Variants in PRKCE observed in about 807,000 individuals in gnomAD.
PRKCE encodes protein kinase C epsilon.
PRKCE carries 16 observed loss-of-function variants against 85.4 expected under a neutral mutation model. The observed-to-expected ratio is 0.19, with a 90% CI of 0.13 to 0.28. The LOEUF (loss-of-function observed/expected upper bound fraction) is 0.28. Among genes scored for constraint, PRKCE ranks in the 10% least tolerant of loss-of-function variants. The pLI, the probability that PRKCE is intolerant of heterozygous loss-of-function variation, is 1.00. For missense variants in PRKCE, 573 were observed against 975.2 expected (o/e 0.59, Z 5.49); for synonymous variants, 388 against 371.5 (o/e 1.04, Z -0.51).
At chr2:45,804,956 T>G (rs1267109719) in intron 1 of PRKCE, among the ~76,000 whole-genome samples, 1 of 151,790 alleles carries the variant, frequency 6.6e-6, no homozygotes, top group Non-Finnish European at 1.5e-5. Flanking sequence ...TTTTTTTTTT[T>G]TTTTTTGCAT....
Position 45,661,521 on chromosome 2 carries a change from TTGTTTTTTG to T in PRKCE, c.348+9075_348+9083del, listed in dbSNP as rs1297470015. 4.8e-3 allele frequency among the ~76,000 whole-genome samples: 525 copies of T among 108,598 alleles called. 12 individuals are homozygous for T. The highest frequency in any genetic ancestry group is 0.017 in the African/African-American group (507 of 29,566). 71.2% of individuals were successfully genotyped at this position (108,598 alleles called of 152,430 possible). A position where few individuals can be genotyped will look rare whatever the true frequency, so the allele number is the denominator to read the frequency against. On this transcript the variant is annotated intron_variant, in intron 1 of 14. Transcript: ENST00000306156. The stretch of plus-strand genomic sequence containing the variant: ...AGTTTTTTTTGTTTTGTTTTGTTTT[TTGTTTTTTG>T]TTTTTTTTTTTTTTTTTAGAAGGAG...
intron 10 of PRKCE, among the ~76,000 whole-genome samples, chr2:46,021,284 C>T (rs143409694): frequency 9.6e-4 from 146 of 152,236 alleles, no homozygotes; most frequent in Admixed American, 9.3e-3. Flanking sequence ...AAGGAGTTTG[C>T]ACTTATTCTG....
chr2:45,934,733 A>G (rs549186332), intron 2 of PRKCE, among the ~76,000 whole-genome samples: 132 of 152,230 alleles, frequency 8.7e-4, no homozygotes, highest in African/African-American at 3.0e-3. Context: ...CTTCACAAGT[A>G]TCTTTAATTT....
At chr2:45,926,703 A>T (rs1013772261) in intron 2 of PRKCE, among the ~76,000 whole-genome samples, 2 of 152,232 alleles carry the variant, frequency 1.3e-5, no homozygotes, top group Non-Finnish European at 2.9e-5. Flanking sequence ...TGTGACATGG[A>T]CAGCCGTGGC....
At chr2:45,783,914 C>T (rs1471383018) in intron 1 of PRKCE, among the ~76,000 whole-genome samples, 1 of 152,254 alleles carries the variant, frequency 6.6e-6, no homozygotes, top group African/African-American at 2.4e-5. Flanking sequence ...GAAACTGCTG[C>T]AGCCTCCATT....
intron 14 of PRKCE, among the ~76,000 whole-genome samples, chr2:46,168,537 T>C (rs1006022981): frequency 2.7e-4 from 41 of 152,196 alleles, no homozygotes; most frequent in African/African-American, 8.7e-4. Context: ...ACATGTCCTT[T>C]GAGCCCTCTG....
At chr2:45,746,954 A>G (rs764247782) in intron 1 of PRKCE, among the ~76,000 whole-genome samples, 10 of 152,022 alleles carry the variant, frequency 6.6e-5, no homozygotes, top group Non-Finnish European at 1.0e-4. Context: ...CTACCTTTCA[A>G]GCCTCAGTCC....
At chr2:46,027,182 AG>A (rs1707178660) in intron 10 of PRKCE, among the ~76,000 whole-genome samples, 2 of 152,110 alleles carry the variant, frequency 1.3e-5, no homozygotes. Context: ...AATAAATAAA[AG>A]AATTAGCCAG....
rs1431715022 is a variant in PRKCE, at chr2:45,824,542, C to T, written c.349-18458C>T. Among the ~76,000 whole-genome samples the T allele has an allele frequency of 2.0e-5, 3 of 152,160 alleles. No homozygotes were observed. The East Asian group carries it at 5.8e-4, about 29-fold the overall frequency. ...TAGAATTAGCCTTTGGATAACAGTC[C>T]GGTTGGGCTACTTAAGTTGACCATT... On this transcript the variant is annotated intron_variant, in intron 1 of 14. Coordinates refer to ENST00000306156, the MANE Select transcript of PRKCE (RefSeq NM_005400.3).
At chr2:46,035,803 G>A (rs575594482) in intron 10 of PRKCE, among the ~76,000 whole-genome samples, 4 of 152,294 alleles carry the variant, frequency 2.6e-5, no homozygotes, top group South Asian at 4.1e-4. Context: ...TTTAACATCT[G>A]TTTATCTTAT....
In PRKCE at chr2:45,702,668, T is replaced by C. The variant is rs1678745154; in HGVS notation, c.348+50220T>C. On this transcript the variant is annotated intron_variant, in intron 1 of 14. Transcript: ENST00000306156. ...ACCATAGTGATATCTAAATCACTATTATATAGTAGAACCCTTCTTTTTTTT... is the reference window on the plus strand; with the variant it reads ...ACCATAGTGATATCTAAATCACTATCATATAGTAGAACCCTTCTTTTTTTT... 1.3e-5 allele frequency among the ~76,000 whole-genome samples: 2 copies of C among 152,194 alleles called. 1 individual carries two copies. The highest frequency in any genetic ancestry group is 1.3e-4 in the Admixed American group (2 of 15,282).
intron 1 of PRKCE, among the ~76,000 whole-genome samples, chr2:45,664,817 G>C (rs958478946): frequency 3.3e-5 from 5 of 152,166 alleles, no homozygotes; most frequent in African/African-American, 9.7e-5. Flanking sequence ...GAGGCTTAAG[G>C]CTTTTTTTCA....
intron 3 of PRKCE, chr2:45,978,735 G>A (rs1702653252): frequency 2.1e-6 from 1 of 486,520 alleles, no homozygotes; most frequent in African/African-American, 2.0e-5. Flanking sequence ...TCTCTGTATA[G>A]GAAATCAAGC....
At chr2:45,693,824 T>C (rs566621946) in intron 1 of PRKCE, among the ~76,000 whole-genome samples, 4 of 151,970 alleles carry the variant, frequency 2.6e-5, no homozygotes, top group African/African-American at 9.7e-5. Flanking sequence ...AATTTTTAGT[T>C]AGGGAGGAAG....
At chr2:45,969,424 T>G (rs1297445878) in intron 2 of PRKCE, among the ~76,000 whole-genome samples, 2 of 152,220 alleles carry the variant, frequency 1.3e-5, no homozygotes, top group Admixed American at 6.5e-5. Flanking sequence ...TGAACTGTCA[T>G]GCTGGCTGAG....
At chr2:46,007,812 G>A (rs1163795231) in intron 9 of PRKCE, 151 bp downstream of exon 9, 30 of 777,852 alleles carry the variant, frequency 3.9e-5, no homozygotes, top group Middle Eastern at 3.8e-4. Flanking sequence ...CTGAGGCCAA[G>A]TAGATAGGAG....
intron 1 of PRKCE, among the ~76,000 whole-genome samples, chr2:45,804,969 G>C (rs1177617917): frequency 1.2e-5 from 1 of 80,066 alleles, no homozygotes; most frequent in Non-Finnish European, 2.6e-5. Context: ...TTTTGCATTT[G>C]CTCTATGTTC....
intron 11 of PRKCE, among the ~76,000 whole-genome samples, chr2:46,110,624 C>G (rs1672161069): frequency 6.8e-6 from 1 of 146,024 alleles, no homozygotes; most frequent in Admixed American, 6.8e-5. Flanking sequence ...TATTCTTAGT[C>G]TTTTTTTTTT....
chr2:46,019,886 C>T (rs1392219928), intron 10 of PRKCE, among the ~76,000 whole-genome samples: 2 of 137,386 alleles, frequency 1.5e-5, no homozygotes, highest in African/African-American at 2.9e-5. Flanking sequence ...AGTCTTGCTC[C>T]GTCACCATGC....
Sources: allele counts gnomAD v4.1 joint callset (sites outside exome capture counted in the v4.1 genomes callset), GRCh38; gene constraint gnomAD v4.1.1; transcripts MANE v1.5; gene names NCBI Gene and HGNC (gene_info 2026-07-23, HGNC 2026-07-21).